The following AGBL4 variants were observed in gnomAD, a reference collection of about 807,000 sequenced individuals.
The protein encoded by AGBL4 is AGBL carboxypeptidase 4.
In AGBL4, 58 loss-of-function variants were observed where a neutral mutation model predicts 66.4. The ratio of observed to expected loss-of-function variants is 0.87; its 90% confidence interval spans 0.71 to 1.09. AGBL4 has a LOEUF of 1.09. AGBL4 is among the 50% of genes least tolerant of loss of function. AGBL4 has a pLI of 0.00. For missense variants in AGBL4, 579 were observed against 631.0 expected (o/e 0.92, Z 0.88); for synonymous variants, 234 against 222.9 (o/e 1.05, Z -0.44).
intron 3 of AGBL4, among the ~76,000 whole-genome samples, chr1:49,481,430 CTGTT>C (rs1646953127): frequency 6.6e-6 from 1 of 151,940 alleles, no homozygotes; most frequent in Admixed American, 6.6e-5. Flanking sequence ...CTTGGCTTGA[CTGTT>C]TTTAGCATAT....
At chr1:49,723,193 T>C (rs1402621824) in intron 2 of AGBL4, among the ~76,000 whole-genome samples, 1 of 152,106 alleles carries the variant, frequency 6.6e-6, no homozygotes, top group Non-Finnish European at 1.5e-5. Flanking sequence ...AGCCTCTCCT[T>C]TGTTTTCCCA....
intron 3 of AGBL4, among the ~76,000 whole-genome samples, chr1:49,339,770 A>G (rs980083202): frequency 6.6e-5 from 10 of 152,188 alleles, no homozygotes; most frequent in African/African-American, 2.4e-4. Flanking sequence ...TCAATGATCT[A>G]TACAGGTATA....
At chr1:49,912,065 T>C (rs992953185) in intron 1 of AGBL4, among the ~76,000 whole-genome samples, 1 of 152,196 alleles carries the variant, frequency 6.6e-6, no homozygotes, top group Non-Finnish European at 1.5e-5. Context: ...AACTATTCCA[T>C]CTGCGCTAAG....
rs72890078 is a variant in AGBL4, at chr1:48,834,839, C to A, written c.634+32352G>T. 2.6e-3 allele frequency among the ~76,000 whole-genome samples: 400 copies of A among 152,272 alleles called. 1 individual carries two copies. Among genetic ancestry groups the A allele is most frequent in the African/African-American group, 8.5e-3 (355 of 41,556 alleles). On this transcript the variant is annotated intron_variant, in intron 6 of 13. Transcript: ENST00000371839. ...TGACCTTTGTCATCATTGAACCATA[C>A]CTTCACAAAGCCCCAGATTCCTAAC...
chr1:48,982,179 C>T (rs1049066239), intron 5 of AGBL4, among the ~76,000 whole-genome samples: 31 of 152,162 alleles, frequency 2.0e-4, no homozygotes, highest in Non-Finnish European at 4.0e-4. Context: ...AGCCAGGTGA[C>T]AGGGCTGTGG....
At chr1:48,525,406 T>C in the AGBL4 span, among the ~76,000 whole-genome samples, 1 of 152,162 alleles carries the variant, frequency 6.6e-6, no homozygotes, top group Non-Finnish European at 1.5e-5. Flanking sequence ...CAAACACAGA[T>C]GCTTCATTAT....
intron 5 of AGBL4, among the ~76,000 whole-genome samples, chr1:49,013,325 T>C (rs951069970): frequency 5.3e-5 from 8 of 152,170 alleles, no homozygotes; most frequent in African/African-American, 1.9e-4. Flanking sequence ...TTACACATCA[T>C]GGGTTCAATA....
At chr1:49,055,175 G>T (rs546901506) in intron 4 of AGBL4, among the ~76,000 whole-genome samples, 1 of 151,808 alleles carries the variant, frequency 6.6e-6, no homozygotes, top group South Asian at 2.1e-4. Flanking sequence ...TTTATATGTT[G>T]TACTACAGTG....
At chr1:48,875,052 A>G (rs995137333) in intron 5 of AGBL4, among the ~76,000 whole-genome samples, 3 of 152,176 alleles carry the variant, frequency 2.0e-5, no homozygotes, top group African/African-American at 7.2e-5. Context: ...AGCATTTGCT[A>G]TGTATGTGCC....
chr1:48,992,983 C>T (rs1429050428), intron 5 of AGBL4, among the ~76,000 whole-genome samples: 1 of 152,076 alleles, frequency 6.6e-6, no homozygotes, highest in Non-Finnish European at 1.5e-5. Context: ...CCTTATGTGG[C>T]CCAGCTGGTA....
chr1:49,318,860 C>T (rs561200292), intron 3 of AGBL4, among the ~76,000 whole-genome samples: 1 of 152,066 alleles, frequency 6.6e-6, no homozygotes, highest in Non-Finnish European at 1.5e-5. Context: ...ATCTTGCTTA[C>T]AGAAAATGAA....
intron 2 of AGBL4, among the ~76,000 whole-genome samples, chr1:49,830,452 C>A (rs557745090): frequency 6.6e-6 from 1 of 152,008 alleles, no homozygotes; most frequent in South Asian, 2.1e-4. Context: ...CACTCACTTG[C>A]TCATGGGGTT....
intron 3 of AGBL4, among the ~76,000 whole-genome samples, chr1:49,501,941 T>C (rs776868595): frequency 1.3e-5 from 2 of 152,200 alleles, no homozygotes; most frequent in Non-Finnish European, 2.9e-5. Context: ...GTTATTGACA[T>C]CCAGTTTCAT....
intron 4 of AGBL4, among the ~76,000 whole-genome samples, chr1:49,068,645 G>A (rs1644538806): frequency 6.6e-6 from 1 of 152,182 alleles, no homozygotes; most frequent in Non-Finnish European, 1.5e-5. Context: ...AGGCACTCCA[G>A]TTGGTTCCAA....
intron 3 of AGBL4, among the ~76,000 whole-genome samples, chr1:49,635,816 C>A (rs192378498): frequency 2.0e-5 from 3 of 152,148 alleles, no homozygotes; most frequent in Non-Finnish European, 4.4e-5. Flanking sequence ...TTAGAAAAAC[C>A]ATTTGGCTAT....
intron 3 of AGBL4, among the ~76,000 whole-genome samples, chr1:49,649,387 C>A (rs556637475): frequency 5.3e-5 from 8 of 152,248 alleles, no homozygotes; most frequent in Admixed American, 4.6e-4. Flanking sequence ...GAGTGATATA[C>A]AATGATTCAG....
chr1:49,236,615 T>C (rs966312931), intron 4 of AGBL4, among the ~76,000 whole-genome samples: 15 of 152,164 alleles, frequency 9.9e-5, no homozygotes, highest in African/African-American at 3.6e-4. Flanking sequence ...CTCTTCACCA[T>C]GGTTCCCCCA....
chr1:49,976,923 T>C (rs975363255), intron 1 of AGBL4, among the ~76,000 whole-genome samples: 5 of 152,230 alleles, frequency 3.3e-5, no homozygotes, highest in African/African-American at 1.2e-4. Context: ...ATTTAGAAGA[T>C]ACATTGTGAT....
downstream of AGBL4, among the ~76,000 whole-genome samples, chr1:48,529,677 G>A (rs59402647): frequency 0.24 from 35,819 of 151,982 alleles, 4,492 homozygotes; most frequent in Middle Eastern, 0.29. Flanking sequence ...GAAGAATTCC[G>A]AACAAGAAAT....
Sources: gnomAD v4.1 joint callset for allele counts (sites outside exome capture counted in the v4.1 genomes callset) on GRCh38, gnomAD v4.1.1 for gene constraint, MANE v1.5 for transcripts, NCBI Gene and HGNC (gene_info 2026-07-23, HGNC 2026-07-21) for gene names.